Variants in CLCA4 observed in about 807,000 individuals in gnomAD.
CLCA4 encodes the protein chloride channel accessory 4, also known as calcium-activated chloride channel regulator 4.
A neutral mutation model predicts 78.9 loss-of-function variants in CLCA4; 69 were observed. That is an observed-to-expected ratio of 0.87 (90% CI 0.72 to 1.07). CLCA4 has a LOEUF of 1.07. Among genes scored for constraint, CLCA4 ranks in the 50% least tolerant of loss-of-function variants. The pLI is 0.00. For missense variants in CLCA4, 1,133 were observed against 1,095.8 expected (o/e 1.03, Z -0.48); for synonymous variants, 362 against 375.8 (o/e 0.96, Z 0.42).
chr1:86,569,216 G>A (rs1426131124), intron 7 of CLCA4, among the ~76,000 whole-genome samples: 2 of 151,950 alleles, frequency 1.3e-5, no homozygotes, highest in East Asian at 1.9e-4. Context: ...AGAGGCCAAT[G>A]AGCCTTCTCT....
At chr1:86,572,475 T>C (rs971452520) in intron 8 of CLCA4, 139 bp from the exon 9 acceptor site, 10 of 558,002 alleles carry the variant, frequency 1.8e-5, no homozygotes, top group Non-Finnish European at 2.6e-5. Context: ...AGAATTAACC[T>C]GTACAACTAT....
chr1:86,557,752 A>G (rs113938939), intron 1 of CLCA4, among the ~76,000 whole-genome samples: 12,854 of 152,218 alleles, frequency 0.084, 674 homozygotes, highest in Middle Eastern at 0.16. Context: ...TGTTGAGTTC[A>G]GGTCCTGAAT....
rs1374283065 is a variant in CLCA4 at position 86,575,341 on chromosome 1, T to C, written c.1693T>C (p.Trp565Arg). 28 of 1,612,576 alleles carry C rather than the reference T, an allele frequency of 1.7e-5. No individual in the cohort carries two copies. In the East Asian group the frequency reaches 6.2e-4, roughly 36 times the overall value. ...CTGTTGAAACTTTTAGGTGGGCACT[T>C]GGGCATACAATCTTCAAGCCAAAGC... ...SIPGTAKVGT[W>R]AYNLQAKANP... The change falls in exon 11 of 14, where the codon TGG becomes CGG. Residue 565 changes from tryptophan to arginine, a missense_variant. Physicochemically the swap from Trp to Arg is moderately radical, Grantham distance 101. Transcript: ENST00000370563.
chr1:86,554,021 A>C (rs895198360), intron 1 of CLCA4, among the ~76,000 whole-genome samples: 2 of 152,030 alleles, frequency 1.3e-5, no homozygotes, highest in Non-Finnish European at 1.5e-5. Flanking sequence ...TCAGGGGTAC[A>C]TGTGAAGGTT....
chr1:86,575,723 G>A (rs1330283144), intron 11 of CLCA4, 124 bp downstream of exon 11: 1 of 869,524 alleles, frequency 1.2e-6, no homozygotes, highest in Admixed American at 2.3e-5. Flanking sequence ...GGAACAGCAG[G>A]AACAGCAGGA....
At chr1:86,570,201 T>C (rs1409025522) in intron 7 of CLCA4, among the ~76,000 whole-genome samples, 1 of 151,970 alleles carries the variant, frequency 6.6e-6, no homozygotes, top group Non-Finnish European at 1.5e-5. Context: ...TCTGCAAATC[T>C]ACACACACAC....
chr1:86,564,827 A>G (rs1650129688), intron 4 of CLCA4, among the ~76,000 whole-genome samples: 1 of 152,132 alleles, frequency 6.6e-6, no homozygotes, highest in Non-Finnish European at 1.5e-5. Context: ...TCTTTGAGTA[A>G]TAAGAACATT....
Position 86,580,146 on chromosome 1 carries a change from C to A in CLCA4, c.2561C>A (p.Thr854Lys). ...AIKSIDKSNL[T>K]SKVSNIAQVT... is the part of the protein sequence containing the mutation. ...AAAAGTATAGATAAAAGCAATTTGA[C>A]ATCAAAAGTATCCAACATTGCACAA... The change falls in exon 14 of 14, where the codon ACA becomes AAA. Residue 854 changes from threonine (T) to lysine (K), a missense_variant. Thr to Lys is a moderately conservative substitution (Grantham distance 78). Coordinates refer to ENST00000370563, the MANE Select transcript of CLCA4 (RefSeq NM_012128.4). The A allele has an allele frequency of 1.2e-6, 2 of 1,612,536 alleles. No individual in the cohort carries two copies. The highest frequency in any genetic ancestry group is 2.7e-5 in the African/African-American group (2 of 74,942).
intron 1 of CLCA4, among the ~76,000 whole-genome samples, chr1:86,558,598 C>T (rs1457711224): frequency 1.3e-5 from 2 of 152,046 alleles, no homozygotes; most frequent in African/African-American, 2.4e-5. Flanking sequence ...GGCAGGGAGG[C>T]CTCAGGAAAC....
chr1:86,560,416 C>A (rs543076695), intron 3 of CLCA4, 58 bp downstream of exon 3: 8 of 1,572,286 alleles, frequency 5.1e-6, no homozygotes, highest in Non-Finnish European at 6.9e-6. Context: ...ACTTTTTATG[C>A]AGGTTAAGTG....
At position 86,558,334 on chromosome 1, in the gene CLCA4, A is replaced by G. The variant is rs72955608; in HGVS notation, c.160-1598A>G. On this transcript the variant is annotated intron_variant, in intron 1 of 13. Coordinates refer to ENST00000370563, the MANE Select transcript of CLCA4 (RefSeq NM_012128.4). ...TCTGTGTGTCTAAGTCTGTTTTTGT[A>G]TTAGCTGGTAACAGTCTTTCTATAT... 3.1e-3 allele frequency among the ~76,000 whole-genome samples: 475 copies of G among 152,142 alleles called. 3 individuals carry two copies. Among genetic ancestry groups the G allele is most frequent in the African/African-American group, 0.011 (448 of 41,512 alleles).
At chr1:86,563,793 A>G (rs762521341) in intron 4 of CLCA4, 24 bp downstream of exon 4, 1 of 1,324,884 alleles carries the variant, frequency 7.5e-7, no homozygotes. Flanking sequence ...AATTTTCTAA[A>G]CTGACTTCAG....
intron 1 of CLCA4, among the ~76,000 whole-genome samples, chr1:86,553,705 C>T (rs557738178): frequency 5.9e-5 from 9 of 152,236 alleles, no homozygotes; most frequent in African/African-American, 9.6e-5. Context: ...GAGGCTGAGG[C>T]GGGTGGATCA....
chr1:86,553,167 G>C (rs1649716531), intron 1 of CLCA4: 1 of 1,087,246 alleles, frequency 9.2e-7, no homozygotes, highest in South Asian at 1.3e-5. Flanking sequence ...AATGAGGATT[G>C]AGCGGCACAG....
intron 8 of CLCA4, among the ~76,000 whole-genome samples, chr1:86,571,915 A>T (rs1463094569): frequency 6.6e-6 from 1 of 152,018 alleles, no homozygotes; most frequent in Non-Finnish European, 1.5e-5. Context: ...CATGAGTATA[A>T]ATTATGTTGA....
Position 86,565,827 on chromosome 1 carries a change from C to A in CLCA4, c.761C>A (p.Thr254Asn), listed in dbSNP as rs765220655. Residue 254 changes from threonine to asparagine, a missense_variant, in exon 6 of 14, where the codon ACC (threonine) becomes AAC (asparagine). By Grantham distance (65) the Thr-to-Asn change is moderately conservative. Transcript: ENST00000370563. ...DSVVEFCNEK[T>N]HNQEAPSLQN... ...GTTGTTGAATTTTGTAACGAAAAAACCCATAATCAAGAAGCTCCAAGCCTA... is the reference window on the plus strand; with the variant it reads ...GTTGTTGAATTTTGTAACGAAAAAAACCATAATCAAGAAGCTCCAAGCCTA... 8 of 1,540,704 alleles carry A rather than the reference C, an allele frequency of 5.2e-6. No homozygotes were observed. The highest frequency in any genetic ancestry group is 4.7e-5 in the East Asian group (2 of 42,742).
At chr1:86,554,521 T>C (rs1413194560) in intron 1 of CLCA4, among the ~76,000 whole-genome samples, 1 of 152,160 alleles carries the variant, frequency 6.6e-6, no homozygotes, top group African/African-American at 2.4e-5. Flanking sequence ...CACCGCGGCC[T>C]CCCAAGGTGC....
intron 1 of CLCA4, 32 bp downstream of exon 1, chr1:86,547,310 T>C (rs1384676810): frequency 6.7e-6 from 10 of 1,496,880 alleles, no homozygotes; most frequent in Non-Finnish European, 8.9e-6. Context: ...TTTCATTAAT[T>C]TTTAGTTTTT....
At chr1:86,576,196 G>T (rs552707594) in intron 11 of CLCA4, among the ~76,000 whole-genome samples, 1 of 151,924 alleles carries the variant, frequency 6.6e-6, no homozygotes, top group Non-Finnish European at 1.5e-5. Context: ...GTCTCACTCT[G>T]TCGCACAGGC....
Sources: allele counts gnomAD v4.1 joint callset (sites outside exome capture counted in the v4.1 genomes callset), GRCh38; gene constraint gnomAD v4.1.1; transcripts MANE v1.5; gene names NCBI Gene and HGNC (gene_info 2026-07-23, HGNC 2026-07-21).